The following CLIC4 variants were observed in gnomAD, a reference collection of about 807,000 sequenced individuals.
The protein encoded by CLIC4 is chloride intracellular channel protein 4.
In CLIC4, 13 loss-of-function variants were observed where a neutral mutation model predicts 24.6. The observed-to-expected ratio is 0.53, with a 90% CI of 0.34 to 0.84. The LOEUF is 0.84. Among genes scored for constraint, CLIC4 ranks in the 40% least tolerant of loss-of-function variants. The pLI is 0.01. For synonymous variants in CLIC4, 104 were observed against 111.3 expected (o/e 0.93, Z 0.41); for missense variants, 227 against 301.7 (o/e 0.75, Z 1.83).
At chr1:24,787,845 A>ATTT (rs60149402) in intron 1 of CLIC4, among the ~76,000 whole-genome samples, 1 of 142,366 alleles carries the variant, frequency 7.0e-6, no homozygotes, top group African/African-American at 2.7e-5. Flanking sequence ...GTGCCCGGCC[A>ATTT]TTTTTTTTTT....
chr1:24,807,379 C>T (rs1639562737), intron 2 of CLIC4, among the ~76,000 whole-genome samples: 1 of 151,756 alleles, frequency 6.6e-6, no homozygotes, highest in Non-Finnish European at 1.5e-5. Context: ...CTCAGCAAGG[C>T]AAGTTACTTC....
At chr1:24,813,727 T>C (rs1004252790) in intron 2 of CLIC4, among the ~76,000 whole-genome samples, 8 of 151,914 alleles carry the variant, frequency 5.3e-5, no homozygotes, top group Admixed American at 6.6e-5. Context: ...ACAATTTATT[T>C]ATTTTCTTTT....
Position 24,820,067 on chromosome 1 carries a change from G to GTGTGTGTATATATATATATATATA in CLIC4, c.308+5849_308+5850insGTGTGTATATATATATATATATAT, listed in dbSNP as rs1212033050. 3.0e-4 allele frequency among the ~76,000 whole-genome samples: 11 copies of GTGTGTGTATATATATATATATATA among 36,478 alleles called. 1 individual carries two copies. Among genetic ancestry groups the GTGTGTGTATATATATATATATATA allele is most frequent in the Admixed American group, 4.7e-4 (1 of 2,140 alleles). 23.9% of individuals were successfully genotyped at this position (36,478 alleles called of 152,430 possible). ...TACTTCAAAAAAAAAAAAAAAGTAT[G>GTGTGTGTATATATATATATATATA]TATATATATATGTATATATATATAT... On this transcript the variant is annotated intron_variant, in intron 3 of 5. Transcript: ENST00000374379.
chr1:24,754,500 G>A (rs1214970398), intron 1 of CLIC4, among the ~76,000 whole-genome samples: 1 of 152,182 alleles, frequency 6.6e-6, no homozygotes, highest in Non-Finnish European at 1.5e-5. Flanking sequence ...TGGGAAGTGT[G>A]ATTAAGGCAT....
At chr1:24,830,484 A>G (rs916509457) in intron 4 of CLIC4, among the ~76,000 whole-genome samples, 4 of 152,036 alleles carry the variant, frequency 2.6e-5, no homozygotes, top group South Asian at 2.1e-4. Context: ...ATAATAAACA[A>G]TGCTGCTGGT....
intron 1 of CLIC4, among the ~76,000 whole-genome samples, chr1:24,761,959 CTTG>C (rs1313151779): frequency 4.6e-5 from 7 of 152,076 alleles, no homozygotes; most frequent in Admixed American, 2.0e-4. Context: ...CAAGTTTTGA[CTTG>C]TTGAGTATAA....
At chr1:24,765,752 A>T (rs1275654234) in intron 1 of CLIC4, among the ~76,000 whole-genome samples, 1 of 151,812 alleles carries the variant, frequency 6.6e-6, no homozygotes, top group Non-Finnish European at 1.5e-5. Context: ...AGAGCCAGGG[A>T]TGATTGTTTA....
chr1:24,820,140 C>A (rs1639714782), intron 3 of CLIC4, among the ~76,000 whole-genome samples: 1 of 132,150 alleles, frequency 7.6e-6, no homozygotes, highest in Non-Finnish European at 1.6e-5. Context: ...TGCAGTGTTG[C>A]TGTCCTGGCT....
intron 2 of CLIC4, among the ~76,000 whole-genome samples, chr1:24,806,333 A>C (rs969723931): frequency 6.6e-6 from 1 of 152,254 alleles, no homozygotes; most frequent in Non-Finnish European, 1.5e-5. Flanking sequence ...TTGTTGATAC[A>C]TAGCTTGTGA....
chr1:24,759,458 A>G (rs962776872), intron 1 of CLIC4, among the ~76,000 whole-genome samples: 7 of 151,648 alleles, frequency 4.6e-5, no homozygotes, highest in Admixed American at 1.3e-4. Flanking sequence ...TCTTTTTCCT[A>G]TACAATACGT....
rs61774674 is a variant in CLIC4 at position 24,810,968 on chromosome 1, A to G, written c.183-3126A>G. On this transcript the variant is annotated intron_variant, in intron 2 of 5. Transcript: ENST00000374379. ...TTGGTGTGCGCCTGTAGTCCCAGCTACTTGGGAGGCTGAGGCAGGAGAATG... is the reference window on the plus strand; with the variant it reads ...TTGGTGTGCGCCTGTAGTCCCAGCTGCTTGGGAGGCTGAGGCAGGAGAATG... Among the ~76,000 whole-genome samples, 507 of 151,132 alleles carry G rather than the reference A, an allele frequency of 3.4e-3. 1 individual carries two copies. Among genetic ancestry groups the G allele is most frequent in the Non-Finnish European group, 5.5e-3 (370 of 67,732 alleles).
At chr1:24,794,557 G>A (rs1178561676) in intron 1 of CLIC4, among the ~76,000 whole-genome samples, 1 of 151,982 alleles carries the variant, frequency 6.6e-6, no homozygotes, top group African/African-American at 2.4e-5. Flanking sequence ...TTGTAATTTT[G>A]TTTAAGTTCC....
chr1:24,840,994 A>G lies in CLIC4; in HGVS notation c.*57A>G. 1 of 1,438,844 alleles carries G rather than the reference A, an allele frequency of 7.0e-7. No individual in the cohort carries two copies. The highest frequency in any genetic ancestry group is 2.3e-5 in the East Asian group (1 of 43,126). 89.1% of individuals were successfully genotyped at this position (1,438,844 alleles called of 1,614,324 possible). A position where few individuals can be genotyped will look rare whatever the true frequency, so the allele number is the denominator to read the frequency against. ...CTTCCCCTAAGAATACGCTTTTCCT[A>G]ACAGGCTACTCCTTCCTGTAGAGCA... On this transcript the variant is annotated 3_prime_UTR_variant, in exon 6 of 6. Coordinates refer to ENST00000374379, the MANE Select transcript of CLIC4 (RefSeq NM_013943.3).
At chr1:24,779,095 A>C (rs1427137017) in intron 1 of CLIC4, among the ~76,000 whole-genome samples, 1 of 152,258 alleles carries the variant, frequency 6.6e-6, no homozygotes, top group Non-Finnish European at 1.5e-5. Flanking sequence ...ACATTAAAAA[A>C]ATAATTTTCT....
chr1:24,815,885 TTAACAACTAAG>T (rs1557811085), intron 3 of CLIC4, among the ~76,000 whole-genome samples: 1 of 152,218 alleles, frequency 6.6e-6, no homozygotes, highest in Non-Finnish European at 1.5e-5. Flanking sequence ...TCCTGCTGTT[TTAACAACTAAG>T]TCGATGTAAT....
intron 1 of CLIC4, among the ~76,000 whole-genome samples, chr1:24,760,749 C>G (rs1638916678): frequency 6.6e-6 from 1 of 152,054 alleles, no homozygotes. Context: ...TTATGGCAGT[C>G]ATATTCAGTT....
chr1:24,763,935 T>C (rs1638961030), intron 1 of CLIC4, among the ~76,000 whole-genome samples: 1 of 152,240 alleles, frequency 6.6e-6, no homozygotes, highest in African/African-American at 2.4e-5. Context: ...TATTCATCTT[T>C]GCGTCCACCA....
intron 1 of CLIC4, among the ~76,000 whole-genome samples, chr1:24,765,548 A>G (rs1638982945): frequency 6.6e-6 from 1 of 152,208 alleles, no homozygotes; most frequent in East Asian, 1.9e-4. Flanking sequence ...AAAAAGTTTT[A>G]AGGGAGAGTC....
chr1:24,749,657 C>T (rs1638749722), intron 1 of CLIC4, among the ~76,000 whole-genome samples: 1 of 152,134 alleles, frequency 6.6e-6, no homozygotes, highest in Non-Finnish European at 1.5e-5. Flanking sequence ...AGGATGCCCT[C>T]TCAAAAGTAA....
Sources: gnomAD v4.1 joint callset for allele counts (sites outside exome capture counted in the v4.1 genomes callset) on GRCh38, gnomAD v4.1.1 for gene constraint, MANE v1.5 for transcripts, NCBI Gene and HGNC (gene_info 2026-07-23, HGNC 2026-07-21) for gene names.